Variants in CRYBG3 observed in about 807,000 individuals in gnomAD.
CRYBG3 encodes crystallin beta-gamma domain containing 3, also known as very large A-kinase anchor protein.
CRYBG3 carries 127 observed loss-of-function variants against 244.2 expected under a neutral mutation model. The ratio of observed to expected loss-of-function variants is 0.52; its 90% CI spans 0.45 to 0.60. The LOEUF (loss-of-function observed/expected upper bound fraction) is 0.60, where lower values mean the gene tolerates loss of function less well. Among genes scored for constraint, CRYBG3 ranks in the 20% least tolerant of loss-of-function variants. The pLI, the probability that CRYBG3 is intolerant of heterozygous loss-of-function variation, is 0.00. For synonymous variants in CRYBG3, 1,132 were observed against 1,195.8 expected (o/e 0.95, Z 1.10); for missense variants, 3,325 against 3,442.5 (o/e 0.97, Z 0.85).
chr3:97,867,338 C>G (rs952683469), intron 3 of CRYBG3, among the ~76,000 whole-genome samples: 2 of 151,930 alleles, frequency 1.3e-5, no homozygotes, highest in African/African-American at 4.8e-5. Flanking sequence ...AGAGAGTGAG[C>G]AAGTAAAAAA....
chr3:97,873,340 A>G lies in CRYBG3; in HGVS notation c.2146A>G (p.Ser716Gly). The G allele has an allele frequency of 6.5e-7, 1 of 1,535,970 alleles. No homozygotes were observed. The part of the protein sequence containing the change: ...KNHVEAAGRK[S>G]PPPSFCLEYT... Reference sequence around the variant, plus strand: ...CCATGTTGAGGCTGCAGGCAGGAAGAGTCCTCCTCCTTCCTTTTGCCTTGA... The same window carrying G: ...CCATGTTGAGGCTGCAGGCAGGAAGGGTCCTCCTCCTTCCTTTTGCCTTGA... Residue 716 changes from serine (S) to glycine (G), a missense_variant, in exon 4 of 22, where the codon AGT becomes GGT. Transcript: ENST00000389622.
At chr3:97,932,361 T>C (rs1196981483) in intron 17 of CRYBG3, among the ~76,000 whole-genome samples, 1 of 152,092 alleles carries the variant, frequency 6.6e-6, no homozygotes, top group Non-Finnish European at 1.5e-5. Context: ...CTTCTGTGTA[T>C]GAACCATAAT....
intron 12 of CRYBG3, among the ~76,000 whole-genome samples, chr3:97,898,549 A>G (rs984163495): frequency 6.6e-6 from 1 of 152,148 alleles, no homozygotes; most frequent in Admixed American, 6.5e-5. Context: ...CTTTTGTTTC[A>G]TATAGTTTTT....
At chr3:97,835,312 G>A (rs2108159900) in intron 1 of CRYBG3, among the ~76,000 whole-genome samples, 1 of 151,976 alleles carries the variant, frequency 6.6e-6, no homozygotes, top group East Asian at 1.9e-4. Context: ...AAATGGGGAG[G>A]GACTCACCAT....
rs375068066 is a variant in CRYBG3, at chr3:97,839,907, G to A, written c.150-3288G>A. On this transcript the variant is annotated intron_variant, in intron 1 of 21. Transcript: ENST00000389622. Reference sequence around the variant, plus strand: ...GGTTATAGATTATTTTTTAAAATTTGTCTAACAAATAACTATTTGAGTGCG... The same window carrying A: ...GGTTATAGATTATTTTTTAAAATTTATCTAACAAATAACTATTTGAGTGCG... Among the ~76,000 whole-genome samples, 4 of 152,080 alleles carry A rather than the reference G, an allele frequency of 2.6e-5. No individual in the cohort carries two copies. In the East Asian group the frequency reaches 5.8e-4, roughly 22 times the overall value.
intron 8 of CRYBG3, 74 bp downstream of exon 8, chr3:97,886,841 T>A: frequency 8.0e-7 from 1 of 1,246,860 alleles, no homozygotes. Context: ...ACATACATTT[T>A]TCTAAAGTTT....
chr3:97,879,660 A>C, intron 4 of CRYBG3, 44 bp from the exon 5 acceptor site: 2 of 1,378,550 alleles, frequency 1.5e-6, no homozygotes, highest in South Asian at 1.3e-5. Flanking sequence ...GCATCTTTTC[A>C]CCGATGTTTC....
intron 6 of CRYBG3, among the ~76,000 whole-genome samples, chr3:97,880,684 T>C (rs2039434404): frequency 1.3e-5 from 2 of 152,196 alleles, no homozygotes; most frequent in Non-Finnish European, 2.9e-5. Flanking sequence ...TATAATAAAA[T>C]GGGACATGTG....
intron 1 of CRYBG3, 102 bp from the exon 2 acceptor site, chr3:97,843,092 CA>C: frequency 3.1e-6 from 2 of 640,534 alleles, no homozygotes; most frequent in Non-Finnish European, 2.7e-6. Flanking sequence ...AATCTTTGAG[CA>C]TTGCAGATAA....
At chr3:97,916,244 G>A (rs1227047208) in intron 17 of CRYBG3, among the ~76,000 whole-genome samples, 3 of 152,120 alleles carry the variant, frequency 2.0e-5, no homozygotes, top group African/African-American at 7.2e-5. Context: ...TAAGTCACAT[G>A]ACAGTTTGTC....
chr3:97,856,967 TTGAGG>T (rs1338650362), intron 2 of CRYBG3, among the ~76,000 whole-genome samples: 4 of 152,166 alleles, frequency 2.6e-5, no homozygotes, highest in South Asian at 2.1e-4. Context: ...TGCTAGTTTC[TTGAGG>T]TGTACTGTTA....
chr3:97,907,173 T>C (rs1166726358), intron 15 of CRYBG3, among the ~76,000 whole-genome samples: 2 of 152,218 alleles, frequency 1.3e-5, no homozygotes, highest in Non-Finnish European at 2.9e-5. Flanking sequence ...GATTTTTGCA[T>C]CAATGTTCAT....
chr3:97,831,550 T>A (rs1021252756), intron 1 of CRYBG3, among the ~76,000 whole-genome samples: 4 of 152,154 alleles, frequency 2.6e-5, no homozygotes, highest in African/African-American at 9.6e-5. Context: ...TGAGTTTTTA[T>A]CTATTCTTTT....
At chr3:97,910,671 C>T (rs1043064336) in intron 15 of CRYBG3, among the ~76,000 whole-genome samples, 7 of 152,206 alleles carry the variant, frequency 4.6e-5, no homozygotes, top group Admixed American at 2.0e-4. Flanking sequence ...GAGGTGAACC[C>T]GGTACCTCAG....
rs1234901668 is a variant in CRYBG3 at position 97,872,082 on chromosome 3, A to G, written c.888A>G (p.Leu296=). 2.6e-6 allele frequency: 4 copies of G among 1,535,776 alleles called. No individual in the cohort carries two copies. The highest frequency in any genetic ancestry group is 3.5e-6 in the Non-Finnish European group (4 of 1,146,786). Residue 296 remains leucine (L), a synonymous_variant, in exon 4 of 22, where the codon CTA becomes CTG. Transcript: ENST00000389622. Reference sequence around the variant, plus strand: ...CAGACTCATCTATGAAAGGAAATCTACTTGAAGGCCCATTAGAAGACTCTG... The same window carrying G: ...CAGACTCATCTATGAAAGGAAATCTGCTTGAAGGCCCATTAGAAGACTCTG... ...ASTDSSMKGN[L]LEGPLEDSDC...
intron 3 of CRYBG3, among the ~76,000 whole-genome samples, chr3:97,869,106 G>A (rs372611813): frequency 1.1e-4 from 17 of 151,604 alleles, no homozygotes; most frequent in African/African-American, 2.2e-4. Context: ...TTGATATGGC[G>A]TTTTACCAAT....
At chr3:97,826,798 A>C (rs920412878) in intron 1 of CRYBG3, among the ~76,000 whole-genome samples, 3 of 152,228 alleles carry the variant, frequency 2.0e-5, no homozygotes, top group Non-Finnish European at 4.4e-5. Flanking sequence ...TCACACATTA[A>C]TGGAGGAGAT....
Position 97,874,305 on chromosome 3 carries a change from G to C in CRYBG3, c.3111G>C (p.Leu1037Phe), listed in dbSNP as rs1055961059. 1 of 1,527,338 alleles carries C rather than the reference G, an allele frequency of 6.5e-7. No homozygotes were observed. Among genetic ancestry groups the C allele is most frequent in the Admixed American group, 2.1e-5 (1 of 48,584 alleles). 94.6% of individuals were successfully genotyped at this position (1,527,338 alleles called of 1,614,324 possible). Reference protein sequence around the residue: ...SFLKVPSVLKLEKKSSSYRKK... With the variant: ...SFLKVPSVLKFEKKSSSYRKK... ...TTAAAGTACCTTCTGTGCTGAAATT[G>C]GAAAAGAAATCCTCATCTTACAGAA... Residue 1037 changes from leucine (L) to phenylalanine (F), a missense_variant, in exon 4 of 22, where the codon TTG becomes TTC. Physicochemically the swap from Leu to Phe is conservative, Grantham distance 22. Around this residue, in one of 4 missense-constraint regions of CRYBG3, gnomAD observed 1,526 missense variants for 1,443.2 expected, o/e 1.06. Coordinates refer to ENST00000389622, the MANE Select transcript of CRYBG3 (RefSeq NM_153605.4).
chr3:97,875,730 T>C lies in CRYBG3; in HGVS notation c.4536T>C (p.Ser1512=), dbSNP rs2039363648. ...CISEKNLPGH[S]KNTPLAMSDV... is the part of the protein sequence containing the mutation. The stretch of plus-strand genomic sequence containing the variant: ...CTGAAAAAAACTTGCCAGGACACAG[T>C]AAAAACACACCTCTTGCAATGTCAG... The change falls in exon 4 of 22, where the codon AGT becomes AGC. Residue 1512 remains serine (S), a synonymous_variant. Transcript: ENST00000389622. The C allele has an allele frequency of 1.6e-6, 2 of 1,232,080 alleles. No homozygotes were observed. The highest frequency in any genetic ancestry group is 2.0e-6 in the Non-Finnish European group (2 of 988,014). The allele number at this position is 1,232,080 out of a possible 1,614,324, so 76.3% of individuals were successfully genotyped here. A position where few individuals can be genotyped will look rare whatever the true frequency, so the allele number is the denominator to read the frequency against.
Sources: allele counts gnomAD v4.1 joint callset (sites outside exome capture counted in the v4.1 genomes callset), GRCh38; gene constraint gnomAD v4.1.1; regional missense constraint gnomAD v4.1.1; transcripts MANE v1.5; gene names NCBI Gene and HGNC (gene_info 2026-07-23, HGNC 2026-07-21).